NCOR2: variants seen among roughly 807,000 people sequenced by gnomAD.
NCOR2 encodes the protein nuclear receptor corepressor 2, also known as CTG repeat protein 26.
NCOR2 carries 81 observed loss-of-function variants against 262.9 expected under a neutral mutation model. The ratio of observed to expected loss-of-function variants is 0.31; its 90% CI spans 0.26 to 0.37. The LOEUF is 0.37. Ranked by LOEUF, NCOR2 falls within the 10% of genes least tolerant of loss-of-function variation. The probability of loss-of-function intolerance (pLI) is 1.00; values close to 1 mark genes in which losing one functional copy is unlikely to be tolerated. For missense variants in NCOR2, 3,385 were observed against 3,621.4 expected (o/e 0.93, Z 1.68); for synonymous variants, 1,659 against 1,559.3 (o/e 1.06, Z -1.51).
chr12:124,506,407 G>C (rs911774692), intron 1 of NCOR2, among the ~76,000 whole-genome samples: 2 of 152,110 alleles, frequency 1.3e-5, no homozygotes, highest in Admixed American at 6.6e-5. Flanking sequence ...GTTCCTGTCC[G>C]CTGGACGGCA....
intron 12 of NCOR2, 144 bp from the exon 15 acceptor site, chr12:124,420,199 C>G (rs2043133510): frequency 1.6e-6 from 1 of 608,542 alleles, no homozygotes; most frequent in Non-Finnish European, 2.9e-6. Context: ...ACCTCTGTGT[C>G]TCAGTTTTCT....
intron 37 of NCOR2, among the ~76,000 whole-genome samples, chr12:124,339,270 C>A (rs552949582): frequency 1.4e-5 from 2 of 141,214 alleles, no homozygotes; most frequent in East Asian, 4.4e-4. Context: ...TCTCACCCAC[C>A]CACCTACCTA....
At chr12:124,354,389 C>T in intron 26 of NCOR2, 89 bp downstream of exon 28, 1 of 1,286,032 alleles carries the variant, frequency 7.8e-7, no homozygotes, top group Admixed American at 2.7e-5. Flanking sequence ...TGGGAGATGA[C>T]ACTTCCCAGC....
upstream of NCOR2, chr12:124,567,531 G>A (rs1332224710): frequency 4.8e-5 from 7 of 146,442 alleles, no homozygotes; most frequent in African/African-American, 1.5e-4. Flanking sequence ...GGGCTCGGGC[G>A]GGGCGCCGGC....
chr12:124,383,413 C>A (rs939311299), intron 17 of NCOR2: 4 of 417,780 alleles, frequency 9.6e-6, no homozygotes, highest in Admixed American at 8.0e-5. Flanking sequence ...TGTTCGTCCA[C>A]GCCAGCGGCT....
At chr12:124,334,028 G>GTGTGTGCGCGCAT (rs1593094229) in intron 41 of NCOR2, among the ~76,000 whole-genome samples, 9 of 150,288 alleles carry the variant, frequency 6.0e-5, no homozygotes, top group Non-Finnish European at 1.2e-4. Flanking sequence ...GTGCATGTGT[G>GTGTGTGCGCGCAT]GAAAGGCTGC....
chr12:124,443,909 C>T lies in NCOR2; in HGVS notation c.815+5906G>A, dbSNP rs2044981866. Among the ~76,000 whole-genome samples, 2 of 152,098 alleles carry T rather than the reference C, an allele frequency of 1.3e-5. No individual in the cohort carries two copies. Among genetic ancestry groups the T allele is most frequent in the African/African-American group, 4.8e-5 (2 of 41,414 alleles). ...GAAAACATCAGGCCATCGGGCCACACCCCTTCATGGCCACAGGCTGGGAAA... is the reference window on the plus strand; with the variant it reads ...GAAAACATCAGGCCATCGGGCCACATCCCTTCATGGCCACAGGCTGGGAAA... On this transcript the variant is annotated intron_variant, in intron 7 of 46. Transcript: ENST00000405201. The surrounding 1 kb of genome is among the most constrained non-coding windows in gnomAD (Gnocchi z 4.4).
chr12:124,508,434 C>T (rs1048333063), intron 1 of NCOR2, among the ~76,000 whole-genome samples: 2 of 152,182 alleles, frequency 1.3e-5, no homozygotes, highest in African/African-American at 4.8e-5. Flanking sequence ...TACCTGGGAT[C>T]GGATGATCCA....
upstream of NCOR2, among the ~76,000 whole-genome samples, chr12:124,497,519 C>T (rs1565998234): frequency 6.6e-6 from 1 of 152,236 alleles, no homozygotes; most frequent in Non-Finnish European, 1.5e-5. This position sits in a 1 kb window ranked among gnomAD's most constrained non-coding sequence, Gnocchi z 4.2. Context: ...CTGTCACTTT[C>T]ATTCAGTTAG....
intron 4 of NCOR2, among the ~76,000 whole-genome samples, chr12:124,471,150 T>A (rs1431452903): frequency 6.6e-6 from 1 of 152,150 alleles, no homozygotes; most frequent in Non-Finnish European, 1.5e-5. Flanking sequence ...CAAATCCTGG[T>A]TCCCCCAACC....
chr12:124,374,557 C>T (rs1655674685), intron 18 of NCOR2, 94 bp from the exon 21 acceptor site: 8 of 1,151,214 alleles, frequency 6.9e-6, no homozygotes, highest in Non-Finnish European at 1.0e-5. Flanking sequence ...GCCTGAAGCC[C>T]AGTGCACAGC....
At position 124,335,298 on chromosome 12, in the gene NCOR2, C is replaced by G. The variant is rs750519401; in HGVS notation, c.6266-18G>C. 1 of 1,571,398 alleles carries G rather than the reference C, an allele frequency of 6.4e-7. No individual in the cohort carries two copies. Among genetic ancestry groups the G allele is most frequent in the African/African-American group, 1.3e-5 (1 of 74,368 alleles). ...CACGGGGCCTGCAGGCAGAGCAGAG[C>G]TGGTCAGGGGGTGTCTGCTGGCCCC... On this transcript the variant is annotated intron_variant, in intron 39 of 46. Coordinates refer to ENST00000405201, the Ensembl canonical transcript of NCOR2.
At chr12:124,561,089 G>A (rs1008136522) in intron 1 of NCOR2, among the ~76,000 whole-genome samples, 9 of 152,236 alleles carry the variant, frequency 5.9e-5, no homozygotes, top group Admixed American at 1.3e-4. Flanking sequence ...CTCCGGGTCC[G>A]GCTGGGTCAG....
chr12:124,561,384 T>G (rs1328422498), intron 1 of NCOR2, among the ~76,000 whole-genome samples: 1 of 152,170 alleles, frequency 6.6e-6, no homozygotes, highest in Non-Finnish European at 1.5e-5. Flanking sequence ...GTGACTGCCT[T>G]GGGGAACAGA....
intron 16 of NCOR2, among the ~76,000 whole-genome samples, chr12:124,397,133 C>G (rs559937303): frequency 1.3e-5 from 2 of 152,330 alleles, no homozygotes; most frequent in Admixed American, 1.3e-4. Context: ...GGCCCCACCT[C>G]TTAGATAACC....
chr12:124,550,754 AG>A (rs1182592246), intron 1 of NCOR2, among the ~76,000 whole-genome samples: 1 of 152,204 alleles, frequency 6.6e-6, no homozygotes, highest in African/African-American at 2.4e-5. Context: ...AGGACCTGGC[AG>A]GGGGGCCCAC....
chr12:124,521,471 T>C lies in NCOR2; in HGVS notation c.-118+14094A>G, dbSNP rs150169671. ...AAGGACTCACACCATTCAACACGGA[T>C]CAACCTCAAACACATTGTGCGGAGT... On this transcript the variant is annotated intron_variant, in intron 1 of 46. Transcript: ENST00000404621. 3.3e-5 allele frequency among the ~76,000 whole-genome samples: 5 copies of C among 152,280 alleles called. No individual in the cohort carries two copies. In the East Asian group the frequency reaches 5.8e-4, roughly 18 times the overall value.
exon 4 of NCOR2, chr12:124,472,999 C>G (rs1343186928): frequency 6.2e-7 from 1 of 1,614,084 alleles, no homozygotes; most frequent in Non-Finnish European, 8.5e-7. Context: ...ATGGTGATCT[C>G]TCGGTCCACG....
chr12:124,460,059 G>C (rs2046085407), intron 5 of NCOR2, among the ~76,000 whole-genome samples: 1 of 152,156 alleles, frequency 6.6e-6, no homozygotes, highest in Non-Finnish European at 1.5e-5. Flanking sequence ...CAGCAGGGCG[G>C]TCCACCTCCC....
Sources: gnomAD v4.1 joint callset for allele counts (sites outside exome capture counted in the v4.1 genomes callset) on GRCh38, gnomAD v4.1.1 for gene constraint, Gnocchi (gnomAD v3.1) non-coding constraint, MANE v1.5 for transcripts, NCBI Gene and HGNC (gene_info 2026-07-23, HGNC 2026-07-21) for gene names.